The following GRIN2A variants were observed in gnomAD, a reference collection of about 807,000 sequenced individuals.
GRIN2A encodes glutamate receptor ionotropic, NMDA 2A.
A neutral mutation model predicts 113.4 loss-of-function variants in GRIN2A; 22 were observed. That is an observed-to-expected ratio of 0.19 (90% CI 0.14 to 0.28). The LOEUF (loss-of-function observed/expected upper bound fraction) is 0.28. GRIN2A is among the 10% of genes least tolerant of loss of function. The probability of loss-of-function intolerance (pLI) is 1.00; values close to 1 mark genes in which losing one functional copy is unlikely to be tolerated. For missense variants in GRIN2A, 1,502 were observed against 1,887.0 expected, an observed-to-expected ratio of 0.80 and a Z score of 3.78; for synonymous variants, 827 against 738.4, an observed-to-expected ratio of 1.12 and a Z score of -1.94.
At chr16:9,979,957 C>G (rs2045860388) in intron 2 of GRIN2A, among the ~76,000 whole-genome samples, 1 of 150,900 alleles carries the variant, frequency 6.6e-6, no homozygotes, top group Non-Finnish European at 1.5e-5. Flanking sequence ...TTGGAAAATT[C>G]CCCTATATAA....
chr16:9,966,700 T>C (rs985862196), intron 2 of GRIN2A, among the ~76,000 whole-genome samples: 1 of 151,960 alleles, frequency 6.6e-6, no homozygotes, highest in Non-Finnish European at 1.5e-5. Flanking sequence ...TGCCACATTG[T>C]CTTCCACAAC....
intron 2 of GRIN2A, among the ~76,000 whole-genome samples, chr16:10,125,530 G>A (rs2048914984): frequency 6.6e-6 from 1 of 150,712 alleles, no homozygotes; most frequent in South Asian, 2.1e-4. Flanking sequence ...ACAAATCTAA[G>A]ACATGACAGG....
In GRIN2A at chr16:9,759,778, A is replaced by G. The variant is rs1389283134; in HGVS notation, c.*3371T>C. 1.8e-5 allele frequency: 4 copies of G among 228,452 alleles called. No homozygotes were observed. Among genetic ancestry groups the G allele is most frequent in the African/African-American group, 6.7e-5 (3 of 45,074 alleles). The allele number at this position is 228,452 out of a possible 1,614,324, so 14.2% of individuals were successfully genotyped here. Reference sequence around the variant, plus strand: ...ATAATCCTGCAAGTCTCTCTGGCAGAAAGATAGACCTATAGGGACTTGCCA... The same window carrying G: ...ATAATCCTGCAAGTCTCTCTGGCAGGAAGATAGACCTATAGGGACTTGCCA... On this transcript the variant is annotated 3_prime_UTR_variant, in exon 13 of 13. Coordinates refer to ENST00000330684, the MANE Select transcript of GRIN2A (RefSeq NM_001134407.3).
At chr16:9,898,576 G>T (rs35467874) in intron 3 of GRIN2A, among the ~76,000 whole-genome samples, 44,355 of 151,930 alleles carry the variant, frequency 0.29, 7,570 homozygotes, top group African/African-American at 0.47. Flanking sequence ...AACCCATTTA[G>T]TGTTTCTCAA....
chr16:9,769,066 G>C lies in GRIN2A; in HGVS notation c.2380C>G (p.Leu794Val). Residue 794 changes from leucine to valine, a missense_variant, in exon 12 of 13, where the codon CTG (leucine) becomes GTG (valine). By Grantham distance (32) the Leu-to-Val change is conservative. Around this residue, in one of 7 missense-constraint regions of GRIN2A, gnomAD observed 101 missense variants for 240.4 expected, o/e 0.42. Coordinates refer to ENST00000330684, the MANE Select transcript of GRIN2A (RefSeq NM_001134407.3). ...GDGEMEELETLWLTGICHNEK... is the reference protein window; with the variant it reads ...GDGEMEELETVWLTGICHNEK... ...TTGTGGCAGATCCCAGTGAGCCACA[G>C]GGTCTCCAGCTCCTCCATCTCACCT... 1 of 1,613,934 alleles carries C rather than the reference G, an allele frequency of 6.2e-7. No homozygotes were observed. The highest frequency in any genetic ancestry group is 8.5e-7 in the Non-Finnish European group (1 of 1,179,794).
rs367543146 is a variant in GRIN2A at position 9,849,923 on chromosome 16, G to A, written c.1161C>T (p.His387=). The A allele has an allele frequency of 5.0e-6, 8 of 1,613,908 alleles. No individual in the cohort carries two copies. The highest frequency in any genetic ancestry group is 2.7e-5 in the African/African-American group (2 of 74,910). ...AGGACTTGTACCTGGGCCACACGGC[G>A]TGCCTCAGGCTCAGCGTATGGTTCT... ...KWENHTLSLR[H]AVWPRYKSFS... Residue 387 remains histidine (H), a synonymous_variant, in exon 5 of 13, where the codon CAC becomes CAT. Coordinates refer to ENST00000330684, the MANE Select transcript of GRIN2A (RefSeq NM_001134407.3).
At chr16:9,785,716 AG>A (rs1487008412) in intron 11 of GRIN2A, among the ~76,000 whole-genome samples, 3 of 152,126 alleles carry the variant, frequency 2.0e-5, no homozygotes, top group Admixed American at 6.5e-5. Context: ...AAAAAGTATA[AG>A]TTTCAATAAA....
chr16:10,051,753 A>G (rs977531947), intron 2 of GRIN2A, among the ~76,000 whole-genome samples: 1 of 152,174 alleles, frequency 6.6e-6, no homozygotes, highest in African/African-American at 2.4e-5. Flanking sequence ...GGGTGAGTGC[A>G]ATACTGTGCA....
At chr16:10,016,199 A>T (rs575173607) in intron 2 of GRIN2A, among the ~76,000 whole-genome samples, 5 of 150,976 alleles carry the variant, frequency 3.3e-5, no homozygotes, top group African/African-American at 1.2e-4. Flanking sequence ...CGCAGAGAAG[A>T]GGCCCCCTAA....
chr16:10,148,120 C>T lies in GRIN2A; in HGVS notation c.414+31878G>A, dbSNP rs538938791. On this transcript the variant is annotated intron_variant, in intron 2 of 12. Coordinates refer to ENST00000330684, the MANE Select transcript of GRIN2A (RefSeq NM_001134407.3). The stretch of plus-strand genomic sequence containing the variant: ...TGTCATCACCTTCCCAACCTCTCAA[C>T]ATTGTAGAGCCCAGGAATTGGCAAA... 5.3e-5 allele frequency among the ~76,000 whole-genome samples: 8 copies of T among 152,324 alleles called. No homozygotes were observed. The South Asian group carries it at 1.7e-3, about 32-fold the overall frequency.
intron 3 of GRIN2A, among the ~76,000 whole-genome samples, chr16:9,931,267 G>A (rs2044587516): frequency 1.3e-5 from 2 of 152,076 alleles, no homozygotes; most frequent in Admixed American, 1.3e-4. Context: ...TGCTTTCCTA[G>A]CTTACTCAGA....
At chr16:9,776,612 C>A (rs1052582771) in intron 11 of GRIN2A, among the ~76,000 whole-genome samples, 1 of 151,932 alleles carries the variant, frequency 6.6e-6, no homozygotes, top group Non-Finnish European at 1.5e-5. Context: ...ATCAAAGATC[C>A]CAGCAATAGA....
intron 2 of GRIN2A, among the ~76,000 whole-genome samples, chr16:10,072,326 G>A (rs1473887729): frequency 2.0e-5 from 3 of 152,204 alleles, no homozygotes; most frequent in Non-Finnish European, 4.4e-5. Flanking sequence ...TAAGAGTGAA[G>A]CATCAACTTC....
chr16:9,791,500 C>T (rs1224467421), intron 11 of GRIN2A, among the ~76,000 whole-genome samples: 1 of 152,126 alleles, frequency 6.6e-6, no homozygotes, highest in Admixed American at 6.5e-5. Context: ...CTGTGAAGGC[C>T]TCTCAGGGAT....
intron 2 of GRIN2A, among the ~76,000 whole-genome samples, chr16:10,021,319 C>T (rs2046716812): frequency 1.3e-5 from 2 of 152,194 alleles, no homozygotes; most frequent in African/African-American, 4.8e-5. Flanking sequence ...TGGAATCCCT[C>T]CTGGATGGCC....
chr16:9,797,657 T>C (rs1903085453), intron 11 of GRIN2A, among the ~76,000 whole-genome samples: 2 of 152,162 alleles, frequency 1.3e-5, no homozygotes, highest in Admixed American at 1.3e-4. Context: ...TCAAAATGCA[T>C]CAGAAATCCT....
At chr16:9,821,957 TC>T (rs1217475141) in intron 10 of GRIN2A, among the ~76,000 whole-genome samples, 1 of 152,208 alleles carries the variant, frequency 6.6e-6, no homozygotes, top group African/African-American at 2.4e-5. Context: ...CTCTTGGCCT[TC>T]TTGGATCTTT....
intron 2 of GRIN2A, among the ~76,000 whole-genome samples, chr16:10,065,216 T>G (rs2047625891): frequency 6.6e-6 from 1 of 152,194 alleles, no homozygotes; most frequent in African/African-American, 2.4e-5. Context: ...TTAACCATCA[T>G]TAAATGATTA....
chr16:10,084,752 A>ATTTATTTATTTATTTATTTATTTG (rs1473314688), intron 2 of GRIN2A, among the ~76,000 whole-genome samples: 1 of 151,166 alleles, frequency 6.6e-6, no homozygotes, highest in African/African-American at 2.4e-5. Flanking sequence ...CACTTTATTT[A>ATTTATTTATTTATTTATTTATTTG]TTTATTTATT....
Sources: gnomAD v4.1 joint callset for allele counts (sites outside exome capture counted in the v4.1 genomes callset) on GRCh38, gnomAD v4.1.1 for gene constraint, gnomAD v4.1.1 regional missense constraint, MANE v1.5 for transcripts, NCBI Gene and HGNC (gene_info 2026-07-23, HGNC 2026-07-21) for gene names.